Variants in SSBP2 observed in about 807,000 individuals in gnomAD.
SSBP2 encodes single stranded DNA binding protein 2, also known as single-stranded DNA-binding protein 2.
In SSBP2, 17 loss-of-function variants were observed where a neutral mutation model predicts 61.8. The ratio of observed to expected loss-of-function variants is 0.28; its 90% CI spans 0.19 to 0.41. SSBP2 has a LOEUF of 0.41. Among genes scored for constraint, SSBP2 ranks in the 10% least tolerant of loss-of-function variants. The probability of loss-of-function intolerance (pLI) is 1.00; values close to 1 mark genes in which losing one functional copy is unlikely to be tolerated. For missense variants in SSBP2, 310 were observed against 458.7 expected (o/e 0.68, Z 2.96); for synonymous variants, 139 against 141.3 (o/e 0.98, Z 0.12).
chr5:81,643,493 CCCA>C (rs748633524), intron 2 of SSBP2, among the ~76,000 whole-genome samples: 38 of 151,952 alleles, frequency 2.5e-4, no homozygotes, highest in Non-Finnish European at 4.9e-4. Flanking sequence ...ACCTACTGTT[CCCA>C]CCAATTTTCT....
chr5:81,587,763 GCACACACACA>G (rs60642395), intron 4 of SSBP2, among the ~76,000 whole-genome samples: 2 of 148,928 alleles, frequency 1.3e-5, no homozygotes, highest in Non-Finnish European at 3.0e-5. Context: ...ACACGCGCGC[GCACACACACA>G]CACACACACA....
At chr5:81,729,070 CATAT>C (rs960592858) in intron 1 of SSBP2, among the ~76,000 whole-genome samples, 5 of 152,050 alleles carry the variant, frequency 3.3e-5, no homozygotes, top group Non-Finnish European at 7.4e-5. Context: ...ACACTGCATA[CATAT>C]ATCAAAACAC....
chr5:81,441,457 G>A (rs2153958566), intron 13 of SSBP2, among the ~76,000 whole-genome samples: 1 of 152,282 alleles, frequency 6.6e-6, no homozygotes, highest in East Asian at 1.9e-4. Flanking sequence ...AAGACAGCCT[G>A]CTGAAAACAT....
In SSBP2 at chr5:81,445,029, A is replaced by G. The variant is rs143502314; in HGVS notation, c.778+1839T>C. 9.9e-3 allele frequency among the ~76,000 whole-genome samples: 1,490 copies of G among 150,228 alleles called. 20 individuals carry two copies. The highest frequency in any genetic ancestry group is 0.035 in the African/African-American group (1,405 of 40,594). ...TCCCAGCTACTCGGGAGGCTGCAGC[A>G]GGAGAATTGCTTGAATCCAGGAGGC... is the stretch of plus-strand genomic sequence containing the variant. On this transcript the variant is annotated intron_variant, in intron 12 of 16. Coordinates refer to ENST00000320672, the MANE Select transcript of SSBP2 (RefSeq NM_012446.5).
At chr5:81,669,336 T>C (rs1032667490) in intron 1 of SSBP2, among the ~76,000 whole-genome samples, 9 of 152,212 alleles carry the variant, frequency 5.9e-5, no homozygotes, top group Admixed American at 1.3e-4. Flanking sequence ...TTTACCCAAA[T>C]GAACTGAAAA....
intron 4 of SSBP2, among the ~76,000 whole-genome samples, chr5:81,534,722 AC>A (rs1486519539): frequency 6.6e-6 from 1 of 152,068 alleles, no homozygotes; most frequent in Non-Finnish European, 1.5e-5. Flanking sequence ...TGGAACAACT[AC>A]AAAAAGTGTA....
At chr5:81,477,812 T>C (rs1765694726) in intron 6 of SSBP2, among the ~76,000 whole-genome samples, 1 of 152,176 alleles carries the variant, frequency 6.6e-6, no homozygotes, top group Non-Finnish European at 1.5e-5. Flanking sequence ...AATAAATGTG[T>C]ATTGAGGGAA....
chr5:81,515,244 A>T (rs1000206075), intron 4 of SSBP2, among the ~76,000 whole-genome samples: 3 of 152,040 alleles, frequency 2.0e-5, no homozygotes, highest in Non-Finnish European at 2.9e-5. Flanking sequence ...ATCTAGGAAG[A>T]AAGATTTGAT....
At chr5:81,741,219 T>C (rs968234039) in intron 1 of SSBP2, among the ~76,000 whole-genome samples, 4 of 152,200 alleles carry the variant, frequency 2.6e-5, no homozygotes, top group Non-Finnish European at 5.9e-5. Context: ...CTATCAAAAG[T>C]AGCCAGCCAC....
intron 15 of SSBP2, among the ~76,000 whole-genome samples, chr5:81,434,263 AT>A (rs901582746): frequency 7.9e-5 from 12 of 151,374 alleles, no homozygotes; most frequent in South Asian, 6.3e-4. Flanking sequence ...AATGGAGTAA[AT>A]TTTTTTTTTA....
intron 1 of SSBP2, among the ~76,000 whole-genome samples, chr5:81,713,715 A>G (rs1754963925): frequency 6.6e-6 from 1 of 152,176 alleles, no homozygotes; most frequent in Admixed American, 6.6e-5. Flanking sequence ...GTGAACAACC[A>G]CTACCACACA....
intron 3 of SSBP2, among the ~76,000 whole-genome samples, chr5:81,632,915 A>G (rs1251453524): frequency 6.6e-6 from 1 of 151,956 alleles, no homozygotes; most frequent in Non-Finnish European, 1.5e-5. Flanking sequence ...CTAGCCCATT[A>G]CTCAGCTTTA....
chr5:81,545,642 G>GAT (rs1017227938), intron 4 of SSBP2, among the ~76,000 whole-genome samples: 14 of 152,070 alleles, frequency 9.2e-5, no homozygotes, highest in African/African-American at 3.4e-4. Context: ...TATACTCTGG[G>GAT]ATATATATAC....
chr5:81,532,875 G>T (rs1234466852), intron 4 of SSBP2, among the ~76,000 whole-genome samples: 2 of 151,708 alleles, frequency 1.3e-5, no homozygotes, highest in African/African-American at 4.8e-5. Context: ...AACTAATAAG[G>T]TTTAAAGTGC....
chr5:81,428,458 C>A, intron 16 of SSBP2, 127 bp downstream of exon 16: 1 of 626,054 alleles, frequency 1.6e-6, no homozygotes, highest in East Asian at 2.8e-5. Flanking sequence ...CTTAAAGTTT[C>A]TCTTATCTAA....
chr5:81,601,340 C>G (rs1744342327), intron 4 of SSBP2, among the ~76,000 whole-genome samples: 2 of 152,084 alleles, frequency 1.3e-5, no homozygotes, highest in African/African-American at 4.8e-5. Context: ...TATAAAAGAG[C>G]AACAGGAGGA....
chr5:81,620,377 C>A (rs1159283871), intron 3 of SSBP2, among the ~76,000 whole-genome samples: 8 of 148,752 alleles, frequency 5.4e-5, no homozygotes, highest in Admixed American at 1.3e-4. Flanking sequence ...GAATAAAATA[C>A]CTAGGAATCC....
At chr5:81,599,463 AT>A (rs1412311080) in intron 4 of SSBP2, among the ~76,000 whole-genome samples, 1 of 152,244 alleles carries the variant, frequency 6.6e-6, no homozygotes, top group Admixed American at 6.5e-5. Flanking sequence ...GAGCCACAGA[AT>A]TCCTTGCAGC....
At chr5:81,506,575 A>C (rs1467864572) in intron 5 of SSBP2, among the ~76,000 whole-genome samples, 1 of 152,150 alleles carries the variant, frequency 6.6e-6, no homozygotes, top group Non-Finnish European at 1.5e-5. Flanking sequence ...CTAATTTCTG[A>C]AACAACCATA....
Sources: gnomAD v4.1 joint callset for allele counts (sites outside exome capture counted in the v4.1 genomes callset) on GRCh38, gnomAD v4.1.1 for gene constraint, MANE v1.5 for transcripts, NCBI Gene and HGNC (gene_info 2026-07-23, HGNC 2026-07-21) for gene names.